Variants in SULT2B1 observed in about 807,000 individuals in gnomAD.
SULT2B1 encodes the protein sulfotransferase 2B1.
Under a neutral mutation model 33.2 loss-of-function variants are expected in SULT2B1, and 16 were observed. The ratio of observed to expected loss-of-function variants is 0.48; its 90% CI spans 0.33 to 0.73. The LOEUF is 0.73. Ranked by LOEUF, SULT2B1 falls within the 30% of genes least tolerant of loss-of-function variation. The pLI is 0.02. For synonymous variants in SULT2B1, 186 were observed against 200.5 expected (o/e 0.93, Z 0.61); for missense variants, 500 against 506.0 (o/e 0.99, Z 0.11).
rs1320757305 is a variant in SULT2B1 at position 48,552,489 on chromosome 19, T to C, written c.71+166T>C. ...GGGCTGGGGCATCCAGTGTGGTGTATAGGTCCCTCCTGAGAAGGGAGTGAG... is the reference window on the plus strand; with the variant it reads ...GGGCTGGGGCATCCAGTGTGGTGTACAGGTCCCTCCTGAGAAGGGAGTGAG... On this transcript the variant is annotated intron_variant, in intron 1 of 6. Transcript: ENST00000201586. This position sits in a 1 kb window ranked among gnomAD's most constrained non-coding sequence, Gnocchi z 4.8. Among the ~76,000 whole-genome samples, 1 of 152,032 alleles carries C rather than the reference T, an allele frequency of 6.6e-6. No individual in the cohort carries two copies. Among genetic ancestry groups the C allele is most frequent in the East Asian group, 1.9e-4 (1 of 5,170 alleles).
intron 1 of SULT2B1, among the ~76,000 whole-genome samples, chr19:48,554,030 G>A (rs927427932): frequency 3.3e-5 from 5 of 151,950 alleles, no homozygotes; most frequent in African/African-American, 7.3e-5. Context: ...GAGTGACCTC[G>A]CTAAGTGGGT....
At chr19:48,597,329 C>T (rs1973732495) in intron 6 of SULT2B1, among the ~76,000 whole-genome samples, 1 of 142,480 alleles carries the variant, frequency 7.0e-6, no homozygotes, top group African/African-American at 2.6e-5. Flanking sequence ...ACTCAAAACA[C>T]GTTTACTCTT....
At chr19:48,559,336 A>G (rs1973145428) in intron 1 of SULT2B1, among the ~76,000 whole-genome samples, 1 of 148,036 alleles carries the variant, frequency 6.8e-6, no homozygotes, top group South Asian at 2.1e-4. Context: ...TTCAGGACCC[A>G]TTTGGTTTTG....
At chr19:48,593,709 A>G (rs1006765972) in intron 5 of SULT2B1, among the ~76,000 whole-genome samples, 1 of 150,270 alleles carries the variant, frequency 6.7e-6, no homozygotes, top group African/African-American at 2.4e-5. Context: ...ATCTCGGCTC[A>G]CCGCAACCTC....
intron 5 of SULT2B1, among the ~76,000 whole-genome samples, chr19:48,593,021 G>A (rs1024543805): frequency 6.6e-6 from 1 of 152,198 alleles, no homozygotes; most frequent in Non-Finnish European, 1.5e-5. Flanking sequence ...GCAGGCTGGC[G>A]GGGCAGAGGA....
At chr19:48,566,795 T>C (rs1161355733) in intron 1 of SULT2B1, among the ~76,000 whole-genome samples, 1 of 151,704 alleles carries the variant, frequency 6.6e-6, no homozygotes, top group African/African-American at 2.4e-5. Context: ...TGAGCCAAAA[T>C]TGTGTCACTG....
rs1272741332 is a variant in SULT2B1, at chr19:48,578,116, G to A, written c.214+2033G>A. The stretch of plus-strand genomic sequence containing the variant: ...TAGTCCCAGCCACTTGGGAGGCTGA[G>A]GCAGGAGGATCACTTTAGCTAGAGA... On this transcript the variant is annotated intron_variant, in intron 2 of 6. Transcript: ENST00000201586. Among the ~76,000 whole-genome samples the A allele has an allele frequency of 2.0e-5, 3 of 152,210 alleles. No homozygotes were observed. In the East Asian group the frequency reaches 5.8e-4, roughly 29 times the overall value.
At position 48,562,166 on chromosome 19, in the gene SULT2B1, C is replaced by A. The variant is rs186455831; in HGVS notation, c.71+9843C>A. 2.5e-3 allele frequency among the ~76,000 whole-genome samples: 376 copies of A among 152,210 alleles called. 2 individuals are homozygous for A. Among genetic ancestry groups the A allele is most frequent in the East Asian group, 5.4e-3 (28 of 5,184 alleles). On this transcript the variant is annotated intron_variant, in intron 1 of 6. Coordinates refer to ENST00000201586, the MANE Select transcript of SULT2B1 (RefSeq NM_177973.2). ...CTTTGGGAGGCTGAGGCGGGCGGAT[C>A]ACCTGAGGTTAGGAGTTCAAGGCCA...
At chr19:48,586,226 AAAAT>A (rs962691855) in intron 2 of SULT2B1, among the ~76,000 whole-genome samples, 2 of 152,176 alleles carry the variant, frequency 1.3e-5, no homozygotes, top group Admixed American at 6.6e-5. Flanking sequence ...TGTCCCCAAA[AAAAT>A]AAATAAGTAA....
At chr19:48,589,410 A>G (rs1973614146) in intron 3 of SULT2B1, among the ~76,000 whole-genome samples, 1 of 152,142 alleles carries the variant, frequency 6.6e-6, no homozygotes, top group Non-Finnish European at 1.5e-5. Flanking sequence ...AAATGCACCC[A>G]TCGGGATCTG....
At chr19:48,556,205 G>C (rs191083250) in intron 1 of SULT2B1, among the ~76,000 whole-genome samples, 2 of 152,180 alleles carry the variant, frequency 1.3e-5, no homozygotes, top group African/African-American at 4.8e-5. Context: ...TTGGCCAGGG[G>C]AATGAGAGAA....
At chr19:48,581,629 T>G (rs1390699552) in intron 2 of SULT2B1, among the ~76,000 whole-genome samples, 17 of 149,826 alleles carry the variant, frequency 1.1e-4, no homozygotes, top group Admixed American at 2.0e-4. Context: ...GGCTAATTTT[T>G]TGTATTTTTA....
chr19:48,595,654 GGTTTTTTTTTGTTGTTTT>G (rs1568414774), intron 5 of SULT2B1: 3 of 140,136 alleles, frequency 2.1e-5, no homozygotes, highest in Non-Finnish European at 4.6e-5. Flanking sequence ...CTGTTTTTTG[GGTTTTTTTTTGTTGTTTT>G]TTTTTTTTTT....
At chr19:48,572,766 G>T (rs1973347674) in intron 1 of SULT2B1, among the ~76,000 whole-genome samples, 1 of 151,972 alleles carries the variant, frequency 6.6e-6, no homozygotes, top group African/African-American at 2.4e-5. Flanking sequence ...GAGAGGAGAA[G>T]GCCTGAGGTG....
rs1399889446 is a variant in SULT2B1 at position 48,599,204 on chromosome 19, A to G, written c.896A>G (p.Lys299Arg). Residue 299 changes from lysine (K) to arginine (R), a missense_variant, in exon 7 of 7, where the codon AAG becomes AGG. Lys to Arg is a conservative substitution (Grantham distance 26). Transcript: ENST00000201586. This position sits in a 1 kb window ranked among gnomAD's most constrained non-coding sequence, Gnocchi z 4.1. ...QSEAFDRAYR[K>R]QMRGMPTFPW... ...GAAGCCTTCGATCGTGCCTACCGCA[A>G]GCAGATGCGGGGGATGCCGACCTTC... 3 of 1,606,312 alleles carry G rather than the reference A, an allele frequency of 1.9e-6. No individual in the cohort carries two copies. Among genetic ancestry groups the G allele is most frequent in the African/African-American group, 1.3e-5 (1 of 74,822 alleles).
chr19:48,589,540 AG>A (rs904691543), intron 3 of SULT2B1, among the ~76,000 whole-genome samples: 3 of 152,200 alleles, frequency 2.0e-5, no homozygotes, highest in African/African-American at 4.8e-5. Flanking sequence ...CAGAGCAGAG[AG>A]GGGGGGCTGC....
At chr19:48,561,634 C>T (rs1020295615) in intron 1 of SULT2B1, among the ~76,000 whole-genome samples, 4 of 151,976 alleles carry the variant, frequency 2.6e-5, no homozygotes, top group Non-Finnish European at 5.9e-5. Context: ...AGGGAACAAG[C>T]CAAACTGGAC....
rs1481319154 is a variant in SULT2B1, at chr19:48,575,635, C to A, written c.72-306C>A. ...AACTGGGAGTACAGGCATGCGCCAC[C>A]ACGCCTGGCTGATTTTTGTCTTTTT... On this transcript the variant is annotated intron_variant, in intron 1 of 6. Transcript: ENST00000201586. The A allele has an allele frequency of 1.8e-5, 4 of 226,516 alleles. No individual in the cohort carries two copies. The East Asian group carries it at 3.9e-4, about 22-fold the overall frequency. The allele number at this position is 226,516 out of a possible 1,614,324, so 14.0% of individuals were successfully genotyped here. A position where few individuals can be genotyped will look rare whatever the true frequency, so the allele number is the denominator to read the frequency against.
At chr19:48,576,767 A>C (rs1237734349) in intron 2 of SULT2B1, among the ~76,000 whole-genome samples, 1 of 149,828 alleles carries the variant, frequency 6.7e-6, no homozygotes, top group African/African-American at 2.5e-5. Context: ...CAGCCTCCTG[A>C]GTAGCTGGAA....
Sources: allele counts gnomAD v4.1 joint callset (sites outside exome capture counted in the v4.1 genomes callset), GRCh38; gene constraint gnomAD v4.1.1; non-coding constraint Gnocchi (gnomAD v3.1); transcripts MANE v1.5; gene names NCBI Gene and HGNC (gene_info 2026-07-23, HGNC 2026-07-21).